GNAQ: variants seen among roughly 807,000 people sequenced by gnomAD.
GNAQ encodes G protein subunit alpha q.
A neutral mutation model predicts 43.9 loss-of-function variants in GNAQ; 8 were observed. The observed-to-expected ratio is 0.18, with a 90% CI of 0.11 to 0.33. The LOEUF is 0.33. Ranked by LOEUF, GNAQ falls within the 10% of genes least tolerant of loss-of-function variation. The pLI, the probability that GNAQ is intolerant of heterozygous loss-of-function variation, is 1.00. For missense variants in GNAQ, 158 were observed against 450.8 expected, an observed-to-expected ratio of 0.35 and a Z score of 5.88; for synonymous variants, 155 against 170.7, an observed-to-expected ratio of 0.91 and a Z score of 0.71.
chr9:78,000,266 T>C (rs373352557), intron 1 of GNAQ, among the ~76,000 whole-genome samples: 16 of 152,202 alleles, frequency 1.1e-4, no homozygotes, highest in Admixed American at 2.6e-4. Flanking sequence ...CCAAATGTTA[T>C]GCCAGCAGAA....
At chr9:78,020,502 C>A (rs1823895000) in intron 1 of GNAQ, among the ~76,000 whole-genome samples, 1 of 152,210 alleles carries the variant, frequency 6.6e-6, no homozygotes, top group South Asian at 2.1e-4. Context: ...GGCGTCTACA[C>A]TTACTTGCTC....
At chr9:77,895,341 T>C (rs1828482449) in intron 2 of GNAQ, among the ~76,000 whole-genome samples, 1 of 152,148 alleles carries the variant, frequency 6.6e-6, no homozygotes, top group African/African-American at 2.4e-5. Context: ...CAGAGGAGAA[T>C]ATCAAGCACA....
chr9:77,769,160 G>C (rs1826179966), intron 5 of GNAQ, among the ~76,000 whole-genome samples: 2 of 152,128 alleles, frequency 1.3e-5, no homozygotes, highest in Admixed American at 1.3e-4. Context: ...CAGCACTTTG[G>C]GAGGTTAAGA....
chr9:77,961,395 C>G (rs184735739), intron 1 of GNAQ, among the ~76,000 whole-genome samples: 4 of 152,118 alleles, frequency 2.6e-5, no homozygotes, highest in Admixed American at 2.6e-4. Context: ...CTAGAATGTG[C>G]ATGACAGAAT....
At chr9:77,851,117 T>C (rs1199779144) in intron 2 of GNAQ, among the ~76,000 whole-genome samples, 1 of 152,236 alleles carries the variant, frequency 6.6e-6, no homozygotes, top group Non-Finnish European at 1.5e-5. Flanking sequence ...TGTTTATGAA[T>C]TGACACTTAA....
chr9:78,022,122 T>C (rs1823918578), intron 1 of GNAQ, among the ~76,000 whole-genome samples: 1 of 151,958 alleles, frequency 6.6e-6, no homozygotes, highest in Admixed American at 6.6e-5. Context: ...GCACTCAGAG[T>C]TATTACAGAG....
intron 1 of GNAQ, among the ~76,000 whole-genome samples, chr9:78,019,114 A>C (rs1823873605): frequency 6.6e-6 from 1 of 152,184 alleles, no homozygotes; most frequent in African/African-American, 2.4e-5. Context: ...GAAGTCCTGT[A>C]ATTTCCTCCA....
chr9:77,939,096 C>A (rs1014968347), intron 1 of GNAQ, among the ~76,000 whole-genome samples: 3 of 151,978 alleles, frequency 2.0e-5, no homozygotes, highest in Non-Finnish European at 4.4e-5. Flanking sequence ...CAAGTTTATC[C>A]CACCTTCCAG....
chr9:77,942,789 C>T (rs992039591), intron 1 of GNAQ, among the ~76,000 whole-genome samples: 2 of 152,100 alleles, frequency 1.3e-5, no homozygotes, highest in African/African-American at 4.8e-5. Flanking sequence ...TGAAATCTAC[C>T]AGAATATGAT....
At chr9:77,988,855 T>C (rs1371812957) in intron 1 of GNAQ, among the ~76,000 whole-genome samples, 5 of 152,188 alleles carry the variant, frequency 3.3e-5, no homozygotes, top group African/African-American at 1.2e-4. Flanking sequence ...CTAATGCAAG[T>C]CTAAATACTC....
intron 2 of GNAQ, among the ~76,000 whole-genome samples, chr9:77,823,009 G>A (rs1284425437): frequency 1.3e-5 from 2 of 151,454 alleles, no homozygotes; most frequent in Non-Finnish European, 2.9e-5. Context: ...GGCAAATCTC[G>A]GCTCACTGCA....
chr9:77,728,774 A>G (rs1564092939), intron 5 of GNAQ, 107 bp from the exon 6 acceptor site: 1 of 729,004 alleles, frequency 1.4e-6, no homozygotes, highest in Non-Finnish European at 2.3e-6. Context: ...GTATACGACC[A>G]GTTTTTGTAG....
At chr9:78,027,905 GA>G (rs894086800) in intron 1 of GNAQ, among the ~76,000 whole-genome samples, 1 of 151,852 alleles carries the variant, frequency 6.6e-6, no homozygotes, top group Non-Finnish European at 1.5e-5. Flanking sequence ...AGGTTAACAG[GA>G]AAAAAATGTT....
At chr9:77,844,069 T>C (rs577209518) in intron 2 of GNAQ, among the ~76,000 whole-genome samples, 1 of 152,154 alleles carries the variant, frequency 6.6e-6, no homozygotes, top group South Asian at 2.1e-4. Flanking sequence ...TGGCCTCAAT[T>C]TCTTTTTGGG....
At chr9:77,993,918 C>T (rs559563557) in intron 1 of GNAQ, among the ~76,000 whole-genome samples, 1 of 152,190 alleles carries the variant, frequency 6.6e-6, no homozygotes, top group African/African-American at 2.4e-5. Context: ...ATAAAAAAAT[C>T]TAGAGTAAAA....
Position 77,798,654 on chromosome 9 carries a change from A to G in GNAQ, c.477-1006T>C, listed in dbSNP as rs144548731. Among the ~76,000 whole-genome samples the G allele has an allele frequency of 4.9e-4, 75 of 152,296 alleles. 1 individual carries two copies. The South Asian group carries it at 5.0e-3, about 10-fold the overall frequency. On this transcript the variant is annotated intron_variant, in intron 3 of 6. Coordinates refer to ENST00000286548, the MANE Select transcript of GNAQ (RefSeq NM_002072.5). The stretch of plus-strand genomic sequence containing the variant: ...ATATAAAATGGAACAGTATTTGCAT[A>G]TAATGTATGCATAGTCCTCTCCTAT...
intron 1 of GNAQ, among the ~76,000 whole-genome samples, chr9:77,999,765 C>T (rs753953890): frequency 6.6e-6 from 1 of 152,120 alleles, no homozygotes; most frequent in Non-Finnish European, 1.5e-5. Context: ...AATCTCTAAG[C>T]CAACACTAAA....
At chr9:77,941,903 T>TACACACACAC (rs1320268340) in intron 1 of GNAQ, among the ~76,000 whole-genome samples, 11 of 90,490 alleles carry the variant, frequency 1.2e-4, no homozygotes, top group African/African-American at 5.0e-4. Flanking sequence ...ACATACAACA[T>TACACACACAC]ACATACACAC....
chr9:77,723,200 T>G (rs1825345565), intron 6 of GNAQ, among the ~76,000 whole-genome samples: 2 of 152,202 alleles, frequency 1.3e-5, no homozygotes, highest in African/African-American at 4.8e-5. Context: ...AAAACCACAG[T>G]GACAGACCTC....
Sources: allele counts gnomAD v4.1 joint callset (sites outside exome capture counted in the v4.1 genomes callset), GRCh38; gene constraint gnomAD v4.1.1; transcripts MANE v1.5; gene names NCBI Gene and HGNC (gene_info 2026-07-23, HGNC 2026-07-21).